The following ACP4 variants were observed in gnomAD, a reference collection of about 807,000 sequenced individuals.
ACP4 encodes testicular acid phosphatase.
A neutral mutation model predicts 47.3 loss-of-function variants in ACP4; 49 were observed. The observed-to-expected ratio is 1.04, with a 90% CI of 0.82 to 1.32. The LOEUF (loss-of-function observed/expected upper bound fraction) is 1.32. Among genes scored for constraint, ACP4 ranks in the 40% most tolerant of loss-of-function variants. The pLI, the probability that ACP4 is intolerant of heterozygous loss-of-function variation, is 0.00. For synonymous variants in ACP4, 299 were observed against 265.3 expected (o/e 1.13, Z -1.23); for missense variants, 594 against 579.3 (o/e 1.03, Z -0.26).
Position 50,795,154 on chromosome 19 carries a change from T to G in ACP4, c.1277T>G (p.Val426Gly). The change falls in exon 11 of 11, where the codon GTG (valine) becomes GGG (glycine). Residue 426 changes from valine to glycine, a missense_variant. Coordinates refer to ENST00000270593, the MANE Select transcript of ACP4 (RefSeq NM_033068.3). ...PGCLRALGGPV is the reference protein window; with the variant it reads ...PGCLRALGGPG ...TGCCTGCGGGCCTTGGGGGGCCCCG[T>G]GTGAGCCAGAAACCAGGGCTTCCCT... 2 of 1,541,436 alleles carry G rather than the reference T, an allele frequency of 1.3e-6. No individual in the cohort carries two copies. Among genetic ancestry groups the G allele is most frequent in the Non-Finnish European group, 1.7e-6 (2 of 1,146,852 alleles).
At position 50,793,588 on chromosome 19, in the gene ACP4, TG is replaced by T. The variant is rs2089528109; in HGVS notation, c.646-90del. 2.0e-6 allele frequency: 3 copies of T among 1,516,962 alleles called. No homozygotes were observed. The South Asian group carries it at 3.6e-5, about 18-fold the overall frequency. 94.0% of individuals were successfully genotyped at this position (1,516,962 alleles called of 1,614,324 possible). ...CCCAGCCAGATCCAGATCCGGCCCA[TG>T]GGGGGACTCAGAAGAGCAGGGGGCA... On this transcript the variant is annotated intron_variant, in intron 6 of 10. Coordinates refer to ENST00000270593, the MANE Select transcript of ACP4 (RefSeq NM_033068.3).
chr19:50,794,878 G>A lies in ACP4; in HGVS notation c.1079G>A (p.Gly360Asp). The change falls in exon 10 of 11, where the codon GGC becomes GAC. Residue 360 changes from glycine to aspartate, a missense_variant. Physicochemically the swap from Gly to Asp is moderately conservative, Grantham distance 94. Transcript: ENST00000270593. ...GGGTGCCCGGCCCCCTGTCCACTAG[G>A]CCGCTTCTACCAGCTGACTGCCCCG... ...LPGCPAPCPLGRFYQLTAPAR... is the reference protein window; with the variant it reads ...LPGCPAPCPLDRFYQLTAPAR... 3 of 1,613,786 alleles carry A rather than the reference G, an allele frequency of 1.9e-6. No individual in the cohort carries two copies. Among genetic ancestry groups the A allele is most frequent in the Non-Finnish European group, 2.5e-6 (3 of 1,179,968 alleles).
rs2089491174 is a variant in ACP4, at chr19:50,790,474, G to C, written c.60G>C (p.Leu20=). 2 of 1,571,468 alleles carry C rather than the reference G, an allele frequency of 1.3e-6. No individual in the cohort carries two copies. Among genetic ancestry groups the C allele is most frequent in the East Asian group, 4.6e-5 (2 of 43,014 alleles). The change falls in exon 1 of 11, where the codon CTG becomes CTC. Residue 20 remains leucine, a synonymous_variant. Coordinates refer to ENST00000270593, the MANE Select transcript of ACP4 (RefSeq NM_033068.3). The part of the protein sequence containing the change: ...PAGPLLLLLL[L]VLPPRALPEG... ...GACCTCTCCTGCTGCTGCTGCTGCT[G>C]GTGCTGCCACCCCGGGCCCTGCCAG...
Position 50,794,494 on chromosome 19 carries a change from G to A in ACP4, c.899G>A (p.Gly300Asp). The A allele has an allele frequency of 1.2e-6, 2 of 1,613,688 alleles. No homozygotes were observed. Among genetic ancestry groups the A allele is most frequent in the Non-Finnish European group, 1.7e-6 (2 of 1,179,974 alleles). ...CTGCTGGCCCTCCAGGGGGCCCTGG[G>A]CCTCTATGATGGACACACCCCGCCA... ...STLLALQGAL[G>D]LYDGHTPPYA... The change falls in exon 9 of 11, where the codon GGC becomes GAC. Residue 300 changes from glycine to aspartate, a missense_variant. By Grantham distance (94) the Gly-to-Asp change is moderately conservative. Transcript: ENST00000270593.
At position 50,790,651 on chromosome 19, in the gene ACP4, G is replaced by C. The variant is rs2089494340; in HGVS notation, c.169G>C (p.Glu57Gln). Residue 57 changes from glutamate (E) to glutamine (Q), a missense_variant, in exon 2 of 11, where the codon GAG becomes CAG. Glu to Gln is a conservative substitution (Grantham distance 29, BLOSUM62 2). Coordinates refer to ENST00000270593, the MANE Select transcript of ACP4 (RefSeq NM_033068.3). Reference sequence around the variant, plus strand: ...CTCCTACCCCATGGACCCACACAAGGAGGTGGCCTCCACCCTGTGGCCACG... The same window carrying C: ...CTCCTACCCCATGGACCCACACAAGCAGGTGGCCTCCACCCTGTGGCCACG... ...LASYPMDPHK[E>Q]VASTLWPRGL... The C allele has an allele frequency of 6.4e-7, 1 of 1,554,272 alleles. No homozygotes were observed. Among genetic ancestry groups the C allele is most frequent in the Non-Finnish European group, 8.7e-7 (1 of 1,150,826 alleles).
chr19:50,792,625 T>A, intron 6 of ACP4: 3 of 296,994 alleles, frequency 1.0e-5, no homozygotes, highest in Non-Finnish European at 1.2e-5. Context: ...AGTCCTATAA[T>A]CAGAAAACCC....
In ACP4 at chr19:50,790,471, G is replaced by T. The variant is rs1368480545; in HGVS notation, c.57G>T (p.Leu19=). Residue 19 remains leucine (L), a synonymous_variant, in exon 1 of 11, where the codon CTG becomes CTT. Coordinates refer to ENST00000270593, the MANE Select transcript of ACP4 (RefSeq NM_033068.3). ...CTGGACCTCTCCTGCTGCTGCTGCT[G>T]CTGGTGCTGCCACCCCGGGCCCTGC... The part of the protein sequence containing the change: ...HPAGPLLLLL[L]LVLPPRALPE... The T allele has an allele frequency of 6.4e-7, 1 of 1,572,912 alleles. No homozygotes were observed. The highest frequency in any genetic ancestry group is 2.3e-5 in the East Asian group (1 of 43,100).
chr19:50,791,764 C>A lies in ACP4; in HGVS notation c.412C>A (p.Pro138Thr). Residue 138 changes from proline to threonine, a missense_variant, in exon 4 of 11, where the codon CCG becomes ACG. Coordinates refer to ENST00000270593, the MANE Select transcript of ACP4 (RefSeq NM_033068.3). ...AGGGAGCCCCGAGGCCCGCTGGAGG[C>A]CGATCCCGGTGCACACGGTGCCCGT... Reference protein sequence around the residue: ...APGSPEARWRPIPVHTVPVAE... With the variant: ...APGSPEARWRTIPVHTVPVAE... The A allele has an allele frequency of 6.2e-7, 1 of 1,612,352 alleles. No individual in the cohort carries two copies. Among genetic ancestry groups the A allele is most frequent in the South Asian group, 1.1e-5 (1 of 91,038 alleles).
intron 8 of ACP4, 143 bp downstream of exon 8, chr19:50,794,113 G>C: frequency 1.0e-6 from 1 of 962,870 alleles, no homozygotes; most frequent in Non-Finnish European, 1.6e-6. Flanking sequence ...CTACTCTCAG[G>C]CTCTACCATT....
chr19:50,794,835 C>T lies in ACP4; in HGVS notation c.1036C>T (p.Leu346=), dbSNP rs200838416. Residue 346 remains leucine (L), a synonymous_variant, in exon 10 of 11, where the codon CTG becomes TTG. Transcript: ENST00000270593. ...FYRNDSAHLP[L]PLSLPGCPAP... is the part of the protein sequence containing the mutation. ...CCGCAATGACTCCGCCCACCTGCCCCTGCCTCTCAGCCTCCCCGGGTGCCC... is the reference window on the plus strand; with the variant it reads ...CCGCAATGACTCCGCCCACCTGCCCTTGCCTCTCAGCCTCCCCGGGTGCCC... 6 of 1,613,250 alleles carry T rather than the reference C, an allele frequency of 3.7e-6. No homozygotes were observed. The East Asian group carries it at 1.3e-4, about 36-fold the overall frequency.
rs774328198 is a variant in ACP4 at position 50,794,583 on chromosome 19, T to G, written c.986+2T>G. 6.2e-7 allele frequency: 1 copy of G among 1,613,672 alleles called. No individual in the cohort carries two copies. The highest frequency in any genetic ancestry group is 8.5e-7 in the Non-Finnish European group (1 of 1,179,944). ...GGGGAATCCCGCCAAAGATGGAGGG[T>G]GAGAATGGTTTGGTGCCCAGGGACA... On this transcript the variant is annotated splice_donor_variant, in intron 9 of 10. Coordinates refer to ENST00000270593, the MANE Select transcript of ACP4 (RefSeq NM_033068.3). LOFTEE classifies it high-confidence loss of function.
chr19:50,791,944 C>G (rs939094973), intron 4 of ACP4, 129 bp from the exon 5 acceptor site: 2 of 1,444,416 alleles, frequency 1.4e-6, no homozygotes, highest in Non-Finnish European at 1.8e-6. Flanking sequence ...CCCCGGCCCA[C>G]GCTGCTCTCC....
At chr19:50,791,250 T>C (rs1197739397) in intron 3 of ACP4, among the ~76,000 whole-genome samples, 1 of 152,178 alleles carries the variant, frequency 6.6e-6, no homozygotes, top group Non-Finnish European at 1.5e-5. Context: ...AATTCTGACC[T>C]ACCTTTTCTG....
chr19:50,790,981 C>A, intron 3 of ACP4, 121 bp downstream of exon 3: 1 of 972,460 alleles, frequency 1.0e-6, no homozygotes, highest in Non-Finnish European at 1.5e-6. Flanking sequence ...GACTTGCCCT[C>A]TACCTCTAAT....
chr19:50,790,930 T>A (rs2089499753), intron 3 of ACP4, 70 bp downstream of exon 3: 2 of 1,414,344 alleles, frequency 1.4e-6, no homozygotes, highest in African/African-American at 2.8e-5. Context: ...TACAACGCTC[T>A]CTTTGGGCCT....
chr19:50,791,741 G>T lies in ACP4; in HGVS notation c.389G>T (p.Gly130Val), dbSNP rs777782726. Residue 130 changes from glycine to valine, a missense_variant, in exon 4 of 11, where the codon GGG (glycine) becomes GTG (valine). By Grantham distance (109) the Gly-to-Val change is moderately radical. Coordinates refer to ENST00000270593, the MANE Select transcript of ACP4 (RefSeq NM_033068.3). ...GGGCTGTTTCCCGAGGCTGCTCCAG[G>T]GAGCCCCGAGGCCCGCTGGAGGCCG... is the stretch of plus-strand genomic sequence containing the variant. ...LAGLFPEAAP[G>V]SPEARWRPIP... is the part of the protein sequence containing the mutation. 2.2e-5 allele frequency: 35 copies of T among 1,612,934 alleles called. No individual in the cohort carries two copies. Among genetic ancestry groups the T allele is most frequent in the Non-Finnish European group, 2.9e-5 (34 of 1,179,806 alleles).
Position 50,791,703 on chromosome 19 carries a change from G to A in ACP4, c.351G>A (p.Gln117=), listed in dbSNP as rs1206292585. The A allele has an allele frequency of 6.2e-7, 1 of 1,613,378 alleles. No homozygotes were observed. Among genetic ancestry groups the A allele is most frequent in the East Asian group, 2.2e-5 (1 of 44,876 alleles). ...TDFDRTLESA[Q]ANLAGLFPEA... is the part of the protein sequence containing the mutation. The stretch of plus-strand genomic sequence containing the variant: ...TTGACCGCACGCTGGAGAGTGCCCA[G>A]GCCAACCTTGCCGGGCTGTTTCCCG... The change falls in exon 4 of 11, where the codon CAG becomes CAA. Residue 117 remains glutamine, a synonymous_variant. Coordinates refer to ENST00000270593, the MANE Select transcript of ACP4 (RefSeq NM_033068.3).
intron 6 of ACP4, chr19:50,793,397 C>T: frequency 2.5e-6 from 1 of 406,780 alleles, no homozygotes; most frequent in Non-Finnish European, 4.5e-6. Flanking sequence ...CACTTGTAAT[C>T]ACAGCTACTT....
chr19:50,794,736 T>C (rs2089541160), intron 9 of ACP4, 50 bp from the exon 10 acceptor site: 1 of 1,573,326 alleles, frequency 6.4e-7, no homozygotes, highest in Admixed American at 1.8e-5. Context: ...CTCCAGGCTT[T>C]AAGATCAATG....
Sources: gnomAD v4.1 joint callset for allele counts (sites outside exome capture counted in the v4.1 genomes callset) on GRCh38, gnomAD v4.1.1 for gene constraint, MANE v1.5 for transcripts, NCBI Gene and HGNC (gene_info 2026-07-23, HGNC 2026-07-21) for gene names.